The following CPNE4 variants were observed in gnomAD, a reference collection of about 807,000 sequenced individuals.
CPNE4 encodes the protein copine 4.
In CPNE4, 25 loss-of-function variants were observed where a neutral mutation model predicts 67.9. That is an observed-to-expected ratio of 0.37 (90% CI 0.27 to 0.51). The LOEUF is 0.51. Ranked by LOEUF, CPNE4 falls within the 20% of genes least tolerant of loss-of-function variation. The probability of loss-of-function intolerance (pLI) is 0.93; values close to 1 mark genes in which losing one functional copy is unlikely to be tolerated. For missense variants in CPNE4, 464 were observed against 690.8 expected (o/e 0.67, Z 3.68); for synonymous variants, 242 against 244.9 (o/e 0.99, Z 0.11).
intron 1 of CPNE4, among the ~76,000 whole-genome samples, chr3:132,020,002 C>A (rs373182356): frequency 2.6e-5 from 4 of 152,276 alleles, no homozygotes; most frequent in East Asian, 1.9e-4. Context: ...AAAGTCAAAC[C>A]GATTCCAAAT....
intron 1 of CPNE4, among the ~76,000 whole-genome samples, chr3:132,023,335 G>A (rs2074039126): frequency 6.6e-6 from 1 of 152,110 alleles, no homozygotes; most frequent in Non-Finnish European, 1.5e-5. Context: ...TTTATGAGCT[G>A]TTATCTTCAC....
chr3:131,803,915 A>C (rs964383872), intron 2 of CPNE4, among the ~76,000 whole-genome samples: 5 of 152,208 alleles, frequency 3.3e-5, no homozygotes, highest in African/African-American at 1.2e-4. Flanking sequence ...GTTCTTATTA[A>C]GGTTTGACTC....
intron 2 of CPNE4, among the ~76,000 whole-genome samples, chr3:131,807,511 C>G (rs1038711626): frequency 1.3e-5 from 2 of 152,042 alleles, no homozygotes; most frequent in Non-Finnish European, 1.5e-5. Flanking sequence ...ATTTTTTCCT[C>G]AATTTTTCTC....
intron 7 of CPNE4, among the ~76,000 whole-genome samples, chr3:131,610,478 G>T (rs60197174): frequency 0.15 from 23,450 of 152,024 alleles, 2,215 homozygotes; most frequent in African/African-American, 0.27. Context: ...CTGCTAGATT[G>T]TTCTCCTTGA....
intron 7 of CPNE4, among the ~76,000 whole-genome samples, chr3:131,642,902 A>G (rs988832123): frequency 6.6e-6 from 1 of 152,196 alleles, no homozygotes; most frequent in Non-Finnish European, 1.5e-5. Flanking sequence ...AGAATGGACT[A>G]ATATAGTAAA....
rs533479732 is a variant in CPNE4, at chr3:131,537,701, C to G, written c.1540-2372G>C. On this transcript the variant is annotated intron_variant, in intron 15 of 15. Coordinates refer to ENST00000429747, the MANE Select transcript of CPNE4 (RefSeq NM_130808.3). ...TCTGGACACAGTTGGCCCTATGTCC[C>G]TTTCCTCTTCCTTTCTATCTTGAAA... The G allele has an allele frequency of 1.0e-4, 19 of 182,570 alleles. No homozygotes were observed. In the South Asian group the frequency reaches 1.6e-3, roughly 15 times the overall value. 11.3% of individuals were successfully genotyped at this position (182,570 alleles called of 1,614,324 possible). A position where few individuals can be genotyped will look rare whatever the true frequency, so the allele number is the denominator to read the frequency against.
chr3:131,762,607 G>A (rs1233439678), intron 2 of CPNE4, among the ~76,000 whole-genome samples: 1 of 152,032 alleles, frequency 6.6e-6, no homozygotes, highest in East Asian at 1.9e-4. Flanking sequence ...ATTTATATCT[G>A]ACTGAGCTGA....
At chr3:131,816,704 C>A (rs1371106231) in intron 2 of CPNE4, among the ~76,000 whole-genome samples, 1 of 152,146 alleles carries the variant, frequency 6.6e-6, no homozygotes, top group Non-Finnish European at 1.5e-5. Flanking sequence ...TCTAGTCACT[C>A]AAAGCCAGAG....
chr3:131,585,354 T>G (rs1201247918), intron 8 of CPNE4, among the ~76,000 whole-genome samples: 2 of 152,216 alleles, frequency 1.3e-5, no homozygotes, highest in Non-Finnish European at 2.9e-5. Flanking sequence ...TGGAATTTAC[T>G]AGGTGCTACT....
chr3:132,020,298 T>A (rs931934191), intron 1 of CPNE4, among the ~76,000 whole-genome samples: 2 of 152,104 alleles, frequency 1.3e-5, no homozygotes, highest in Non-Finnish European at 2.9e-5. Context: ...AAGGCTGGAG[T>A]GCCTGAGAGG....
intron 2 of CPNE4, among the ~76,000 whole-genome samples, chr3:131,837,475 C>G (rs1423681661): frequency 6.6e-6 from 1 of 152,016 alleles, no homozygotes; most frequent in Non-Finnish European, 1.5e-5. Flanking sequence ...ATATAAGATT[C>G]TCAAATGACA....
At chr3:131,935,997 C>T (rs2071207992) in intron 1 of CPNE4, among the ~76,000 whole-genome samples, 1 of 151,978 alleles carries the variant, frequency 6.6e-6, no homozygotes, top group Admixed American at 6.6e-5. Context: ...CAGTTCAGAA[C>T]CATAGACCTC....
intron 2 of CPNE4, among the ~76,000 whole-genome samples, chr3:131,827,946 A>G (rs1176526086): frequency 6.6e-6 from 1 of 152,026 alleles, no homozygotes; most frequent in African/African-American, 2.4e-5. Flanking sequence ...GCTCTTCACA[A>G]AGAGCATATC....
chr3:131,868,992 T>C (rs2087078220), intron 2 of CPNE4, among the ~76,000 whole-genome samples: 1 of 152,108 alleles, frequency 6.6e-6, no homozygotes, highest in Non-Finnish European at 1.5e-5. Flanking sequence ...GTTAGGCAAA[T>C]GATCAAAAAG....
At chr3:132,037,673 G>T, upstream of CPNE4, 1 of 1,415,304 alleles carries the variant, frequency 7.1e-7, no homozygotes. Context: ...AAGTTGCAAA[G>T]GAAGCTTCAG....
At chr3:131,975,951 G>T (rs1006786425) in intron 1 of CPNE4, among the ~76,000 whole-genome samples, 1 of 151,856 alleles carries the variant, frequency 6.6e-6, no homozygotes, top group Non-Finnish European at 1.5e-5. Flanking sequence ...CTCTGATACG[G>T]TGCGGTAAAA....
chr3:131,638,356 T>A (rs113113304), intron 7 of CPNE4, among the ~76,000 whole-genome samples: 23,300 of 151,984 alleles, frequency 0.15, 3,859 homozygotes, highest in African/African-American at 0.42. Flanking sequence ...AAGATATTCC[T>A]TGCAAATGGA....
At chr3:132,013,718 T>A (rs1360219280) in intron 1 of CPNE4, among the ~76,000 whole-genome samples, 1 of 152,204 alleles carries the variant, frequency 6.6e-6, no homozygotes, top group Non-Finnish European at 1.5e-5. Context: ...ATGTTTTAAG[T>A]CCCTTCTCAT....
At chr3:131,708,419 TC>T (rs955597031) in intron 3 of CPNE4, among the ~76,000 whole-genome samples, 2 of 151,970 alleles carry the variant, frequency 1.3e-5, no homozygotes, top group Non-Finnish European at 1.5e-5. Flanking sequence ...AATACATGAG[TC>T]TGGGCTCAAA....
Sources: allele counts gnomAD v4.1 joint callset (sites outside exome capture counted in the v4.1 genomes callset), GRCh38; gene constraint gnomAD v4.1.1; transcripts MANE v1.5; gene names NCBI Gene and HGNC (gene_info 2026-07-23, HGNC 2026-07-21).